ST18: variants seen among roughly 807,000 people sequenced by gnomAD.
ST18 encodes the protein suppression of tumorigenicity 18 protein.
Under a neutral mutation model 110.0 loss-of-function variants are expected in ST18, and 50 were observed. That is an observed-to-expected ratio of 0.45 (90% CI 0.36 to 0.58). The LOEUF is 0.58. Among genes scored for constraint, ST18 ranks in the 20% least tolerant of loss-of-function variants. The pLI is 0.00. For missense variants in ST18, 1,306 were observed against 1,280.1 expected (o/e 1.02, Z -0.31); for synonymous variants, 461 against 452.4 (o/e 1.02, Z -0.24).
rs2084998830 is a variant in ST18 at position 52,217,968 on chromosome 8, A to G, written c.-156-67T>C. On this transcript the variant is annotated intron_variant, in intron 5 of 25. Transcript: ENST00000689386. ...AATTCATAAACTCAGTTTTGCTTTC[A>G]TTCACACAAGCCAATTACTGACATG... 3 of 152,342 alleles carry G rather than the reference A, an allele frequency of 2.0e-5. No homozygotes were observed. In the South Asian group the frequency reaches 6.2e-4, roughly 32 times the overall value. 9.4% of individuals were successfully genotyped at this position (152,342 alleles called of 1,614,324 possible). A position where few individuals can be genotyped will look rare whatever the true frequency, so the allele number is the denominator to read the frequency against.
chr8:52,389,079 C>G (rs1464476986), intron 2 of ST18, among the ~76,000 whole-genome samples: 1 of 152,000 alleles, frequency 6.6e-6, no homozygotes, highest in African/African-American at 2.4e-5. Context: ...CATGAAGCCC[C>G]GAGAGCCACA....
chr8:52,158,942 C>T lies in ST18; in HGVS notation c.1762G>A (p.Ala588Thr), dbSNP rs1160401106. 6 of 1,613,918 alleles carry T rather than the reference C, an allele frequency of 3.7e-6. No homozygotes were observed. The highest frequency in any genetic ancestry group is 4.2e-6 in the Non-Finnish European group (5 of 1,179,920). Residue 588 changes from alanine to threonine, a missense_variant, in exon 15 of 26, where the codon GCC (alanine) becomes ACC (threonine). Coordinates refer to ENST00000689386, the MANE Select transcript of ST18 (RefSeq NM_001352837.2). Reference sequence around the variant, plus strand: ...GGCTTGTTGGAGAGGATGTCTGTGGCTTCCCTGCAGCGGGTGGAAAGGTTC... The same window carrying T: ...GGCTTGTTGGAGAGGATGTCTGTGGTTTCCCTGCAGCGGGTGGAAAGGTTC... ...ILNLSTRCREATDILSNKPQS... is the reference protein window; with the variant it reads ...ILNLSTRCRETTDILSNKPQS...
intron 2 of ST18, among the ~76,000 whole-genome samples, chr8:52,383,797 G>A (rs1006216402): frequency 6.6e-6 from 1 of 151,954 alleles, no homozygotes; most frequent in Non-Finnish European, 1.5e-5. Flanking sequence ...TGCCCAGGCT[G>A]GAGTGCAGTG....
intron 2 of ST18, among the ~76,000 whole-genome samples, chr8:52,297,234 C>T (rs1416213715): frequency 6.6e-6 from 1 of 152,188 alleles, no homozygotes; most frequent in Non-Finnish European, 1.5e-5. Flanking sequence ...AGCTTCCAGG[C>T]CCTGTCATTG....
At chr8:52,345,266 A>G (rs1817216846) in intron 2 of ST18, among the ~76,000 whole-genome samples, 1 of 152,226 alleles carries the variant, frequency 6.6e-6, no homozygotes, top group Non-Finnish European at 1.5e-5. Context: ...GATCTAGATG[A>G]CAAATTAGTC....
At chr8:52,177,813 CTT>C (rs951891866) in intron 9 of ST18, among the ~76,000 whole-genome samples, 16 of 152,188 alleles carry the variant, frequency 1.1e-4, no homozygotes, top group African/African-American at 3.9e-4. Context: ...CGTCAAATCT[CTT>C]TGGTCCCCAA....
chr8:52,286,775 A>C (rs532074024), intron 2 of ST18, among the ~76,000 whole-genome samples: 5 of 150,840 alleles, frequency 3.3e-5, no homozygotes, highest in Non-Finnish European at 7.4e-5. Flanking sequence ...GCTACTAGAT[A>C]ATCAAGTCTT....
chr8:52,356,207 A>G (rs1054520628), intron 2 of ST18, among the ~76,000 whole-genome samples: 2 of 152,174 alleles, frequency 1.3e-5, no homozygotes, highest in Non-Finnish European at 2.9e-5. Context: ...GCTAAAGTGG[A>G]GTTGTAAACA....
chr8:52,148,129 C>A (rs747667108), intron 16 of ST18, among the ~76,000 whole-genome samples: 2 of 151,524 alleles, frequency 1.3e-5, no homozygotes, highest in African/African-American at 4.9e-5. Context: ...AGTTTGTGGT[C>A]GTCATTTGAG....
At chr8:52,201,714 G>C (rs1414128585) in intron 8 of ST18, among the ~76,000 whole-genome samples, 1 of 152,192 alleles carries the variant, frequency 6.6e-6, no homozygotes, top group East Asian at 1.9e-4. Context: ...AGAGTTCCTG[G>C]GTCCTGGCAG....
chr8:52,403,949 T>C (rs1843622581), intron 2 of ST18: 1 of 152,248 alleles, frequency 6.6e-6, no homozygotes, highest in Non-Finnish European at 1.5e-5. Flanking sequence ...TGGTCACTGA[T>C]GGAAAGGGCT....
chr8:52,178,630 A>AC (rs2067919303), intron 9 of ST18, among the ~76,000 whole-genome samples: 1 of 130,744 alleles, frequency 7.6e-6, no homozygotes, highest in East Asian at 2.1e-4. Context: ...AAAAAAAAAA[A>AC]AAAAAAAAAA....
At chr8:52,392,831 A>G (rs958125225) in intron 2 of ST18, among the ~76,000 whole-genome samples, 6 of 152,222 alleles carry the variant, frequency 3.9e-5, no homozygotes, top group African/African-American at 1.4e-4. Flanking sequence ...CGACCAATCA[A>G]AGGCTGAAGG....
At chr8:52,373,238 A>T (rs1211712901) in intron 2 of ST18, among the ~76,000 whole-genome samples, 1 of 152,072 alleles carries the variant, frequency 6.6e-6, no homozygotes, top group Non-Finnish European at 1.5e-5. Flanking sequence ...TTCCCCCTTC[A>T]GAGAGTAAGC....
rs185478634 is a variant in ST18, at chr8:52,196,499, C to G, written c.86+15580G>C. The stretch of plus-strand genomic sequence containing the variant: ...TCCCTGATTTCATACTGTAGTCCCC[C>G]CTTGTCCGTGCTTTCATTTTCCATG... On this transcript the variant is annotated intron_variant, in intron 8 of 25. Coordinates refer to ENST00000689386, the MANE Select transcript of ST18 (RefSeq NM_001352837.2). Among the ~76,000 whole-genome samples, 305 of 152,232 alleles carry G rather than the reference C, an allele frequency of 2.0e-3. 2 individuals are homozygous for G. The highest frequency in any genetic ancestry group is 3.1e-3 in the Non-Finnish European group (213 of 68,016).
intron 2 of ST18, among the ~76,000 whole-genome samples, chr8:52,392,367 T>C (rs1052504381): frequency 6.6e-6 from 1 of 152,070 alleles, no homozygotes; most frequent in Admixed American, 6.5e-5. Flanking sequence ...CAGGTGGTGA[T>C]GGTGCAGGTG....
intron 2 of ST18, among the ~76,000 whole-genome samples, chr8:52,334,560 G>C (rs1376250570): frequency 6.6e-6 from 1 of 152,132 alleles, no homozygotes; most frequent in Non-Finnish European, 1.5e-5. Context: ...TGGTATACAG[G>C]ACATTCTTGT....
chr8:52,325,734 AT>A (rs1301879185), intron 2 of ST18, among the ~76,000 whole-genome samples: 1 of 152,154 alleles, frequency 6.6e-6, no homozygotes, highest in African/African-American at 2.4e-5. Context: ...CCAGCTAGGA[AT>A]TTTTGCCCAG....
In ST18 at chr8:52,212,445, TCAA is replaced by T. The variant is rs1240828269; in HGVS notation, c.56-339_56-337del. ...CATTTTATTTTTAGTACAAAATTATTCAAAAGGAATCCCAAGATTATATCTTTA... is the reference window on the plus strand; with the variant it reads ...CATTTTATTTTTAGTACAAAATTATTAAGGAATCCCAAGATTATATCTTTA... On this transcript the variant is annotated intron_variant, in intron 7 of 25. Coordinates refer to ENST00000689386, the MANE Select transcript of ST18 (RefSeq NM_001352837.2). Among the ~76,000 whole-genome samples, 879 of 152,330 alleles carry T rather than the reference TCAA, an allele frequency of 5.8e-3. 11 individuals carry two copies. The highest frequency in any genetic ancestry group is 0.021 in the Admixed American group (319 of 15,304).
Sources: gnomAD v4.1 joint callset for allele counts (sites outside exome capture counted in the v4.1 genomes callset) on GRCh38, gnomAD v4.1.1 for gene constraint, MANE v1.5 for transcripts, NCBI Gene and HGNC (gene_info 2026-07-23, HGNC 2026-07-21) for gene names.